MEGF11: variants seen among roughly 807,000 people sequenced by gnomAD.
The protein encoded by MEGF11 is multiple epidermal growth factor-like domains protein 11.
Under a neutral mutation model 146.6 loss-of-function variants are expected in MEGF11, and 126 were observed. The observed-to-expected ratio is 0.86, with a 90% CI of 0.74 to 1.00. MEGF11 has a LOEUF of 1.00. Ranked by LOEUF, MEGF11 falls within the 50% of genes least tolerant of loss-of-function variation. MEGF11 has a pLI of 0.00. For synonymous variants in MEGF11, 532 were observed against 583.4 expected (o/e 0.91, Z 1.27); for missense variants, 1,509 against 1,521.2 (o/e 0.99, Z 0.13).
At chr15:65,959,312 C>G (rs1303655843) in intron 9 of MEGF11, among the ~76,000 whole-genome samples, 3 of 152,146 alleles carry the variant, frequency 2.0e-5, no homozygotes, top group African/African-American at 4.8e-5. Flanking sequence ...CAAGCTGTTT[C>G]TCTTCTAGGG....
At chr15:66,175,878 C>T (rs1187493284) in intron 1 of MEGF11, among the ~76,000 whole-genome samples, 2 of 152,098 alleles carry the variant, frequency 1.3e-5, no homozygotes, top group Non-Finnish European at 2.9e-5. Flanking sequence ...AGTGAAGACA[C>T]AATCTATAAA....
At chr15:66,214,316 A>C in intron 1 of MEGF11, among the ~76,000 whole-genome samples, 1 of 152,160 alleles carries the variant, frequency 6.6e-6, no homozygotes, top group East Asian at 1.9e-4. Flanking sequence ...TACAGGGATT[A>C]CACTGTGCCT....
intron 10 of MEGF11, among the ~76,000 whole-genome samples, chr15:65,939,829 C>CA (rs1164718979): frequency 9.9e-5 from 15 of 152,278 alleles, no homozygotes; most frequent in African/African-American, 3.4e-4. Context: ...ACTTCCAGGG[C>CA]AAGTTTCCCT....
intron 5 of MEGF11, among the ~76,000 whole-genome samples, chr15:66,067,363 T>C (rs2085172568): frequency 6.6e-6 from 1 of 152,248 alleles, no homozygotes; most frequent in African/African-American, 2.4e-5. Context: ...TGTCTACATC[T>C]GTCACCTTAT....
intron 5 of MEGF11, among the ~76,000 whole-genome samples, chr15:66,021,982 G>A (rs2083153632): frequency 6.6e-6 from 1 of 152,240 alleles, no homozygotes; most frequent in Admixed American, 6.5e-5. Context: ...GGAGGAACAA[G>A]CCATGTGATG....
At chr15:66,096,587 G>A (rs1053185156) in intron 4 of MEGF11, among the ~76,000 whole-genome samples, 10 of 152,138 alleles carry the variant, frequency 6.6e-5, no homozygotes, top group South Asian at 2.1e-4. Context: ...CGGTGGGGCC[G>A]TTCCAGAGGG....
intron 5 of MEGF11, among the ~76,000 whole-genome samples, chr15:66,025,207 A>G (rs537704180): frequency 6.6e-6 from 1 of 152,356 alleles, no homozygotes; most frequent in Admixed American, 6.5e-5. Flanking sequence ...GCCAGTGCCC[A>G]AGAGAAGGGG....
chr15:66,193,081 G>A (rs118056499), intron 1 of MEGF11, among the ~76,000 whole-genome samples: 4,770 of 152,278 alleles, frequency 0.031, 108 homozygotes, highest in Non-Finnish European at 0.046. Context: ...TTTCAGATTA[G>A]TACCATGTGT....
intron 15 of MEGF11, among the ~76,000 whole-genome samples, chr15:65,920,904 C>G (rs1024463159): frequency 6.6e-6 from 1 of 152,212 alleles, no homozygotes; most frequent in Non-Finnish European, 1.5e-5. Flanking sequence ...AGTTACTCCT[C>G]GGGCTGCATG....
chr15:66,060,158 G>A (rs1312001508), intron 5 of MEGF11, among the ~76,000 whole-genome samples: 1 of 152,070 alleles, frequency 6.6e-6, no homozygotes, highest in Admixed American at 6.6e-5. Context: ...ACTGTGAAAG[G>A]GGAGTGGGGT....
chr15:66,210,579 G>A (rs1483572682), intron 1 of MEGF11, among the ~76,000 whole-genome samples: 1 of 152,204 alleles, frequency 6.6e-6, no homozygotes, highest in Non-Finnish European at 1.5e-5. Context: ...GCTGTATGAA[G>A]GATTCTGGGT....
intron 5 of MEGF11, among the ~76,000 whole-genome samples, chr15:65,989,073 G>T (rs1225631664): frequency 6.6e-6 from 1 of 152,200 alleles, no homozygotes; most frequent in Non-Finnish European, 1.5e-5. Context: ...AAATGAATTG[G>T]TCTAGGGTGG....
Position 66,072,615 on chromosome 15 carries a change from C to T in MEGF11, c.394+21787G>A, listed in dbSNP as rs544369845. ...TAAGTGACATGTATTCCTGAGTGAGCGAATGAATGAATGTAATCAGTGCTA... is the reference window on the plus strand; with the variant it reads ...TAAGTGACATGTATTCCTGAGTGAGTGAATGAATGAATGTAATCAGTGCTA... On this transcript the variant is annotated intron_variant, in intron 5 of 25. Coordinates refer to ENST00000395614, the MANE Select transcript of MEGF11 (RefSeq NM_001385028.1). 5.3e-5 allele frequency among the ~76,000 whole-genome samples: 8 copies of T among 152,284 alleles called. No homozygotes were observed. In the South Asian group the frequency reaches 1.2e-3, roughly 24 times the overall value.
intron 4 of MEGF11, among the ~76,000 whole-genome samples, chr15:66,102,575 C>T (rs1395296333): frequency 2.0e-5 from 3 of 151,548 alleles, no homozygotes; most frequent in Non-Finnish European, 2.9e-5. Flanking sequence ...TATAGGCATG[C>T]ACCACCACAA....
intron 5 of MEGF11, among the ~76,000 whole-genome samples, chr15:66,025,005 C>T (rs1406646100): frequency 1.3e-5 from 2 of 152,058 alleles, no homozygotes; most frequent in African/African-American, 4.8e-5. Context: ...TGTTAATGGC[C>T]GTCAGGGGAA....
chr15:66,250,925 A>G (rs2092361966), intron 1 of MEGF11, among the ~76,000 whole-genome samples: 1 of 152,170 alleles, frequency 6.6e-6, no homozygotes, highest in African/African-American at 2.4e-5. Flanking sequence ...ATGAAAAAAA[A>G]AGAGAGAAGG....
chr15:65,964,802 T>C (rs1391403377), intron 9 of MEGF11, 106 bp downstream of exon 9: 23 of 1,107,340 alleles, frequency 2.1e-5, no homozygotes, highest in Non-Finnish European at 2.9e-5. Flanking sequence ...TTCCCCCACC[T>C]GCCTGGATGT....
At chr15:66,048,378 C>A (rs570991877) in intron 5 of MEGF11, among the ~76,000 whole-genome samples, 3 of 152,254 alleles carry the variant, frequency 2.0e-5, no homozygotes, top group Non-Finnish European at 4.4e-5. Context: ...GGTGACCCCG[C>A]AGGCACCCTT....
chr15:66,146,571 C>T (rs907741383), intron 1 of MEGF11, among the ~76,000 whole-genome samples: 19 of 152,296 alleles, frequency 1.2e-4, no homozygotes, highest in Admixed American at 2.6e-4. Context: ...TGACTCACCA[C>T]GCACGCCGAC....
Sources: allele counts gnomAD v4.1 joint callset (sites outside exome capture counted in the v4.1 genomes callset), GRCh38; gene constraint gnomAD v4.1.1; transcripts MANE v1.5; gene names NCBI Gene and HGNC (gene_info 2026-07-23, HGNC 2026-07-21).